Variants in DCT observed in about 807,000 individuals in gnomAD.
DCT encodes the protein dopachrome tautomerase.
Under a neutral mutation model 53.0 loss-of-function variants are expected in DCT, and 47 were observed. The observed-to-expected ratio is 0.89, with a 90% CI of 0.70 to 1.13. DCT has a LOEUF of 1.13. DCT is among the 50% of genes most tolerant of loss of function. The probability of loss-of-function intolerance (pLI) is 0.00; values close to 1 mark genes in which losing one functional copy is unlikely to be tolerated. For missense variants in DCT, 669 were observed against 637.4 expected (o/e 1.05, Z -0.53); for synonymous variants, 244 against 237.0 (o/e 1.03, Z -0.27).
chr13:94,484,556 C>T (rs774862972), upstream of DCT, among the ~76,000 whole-genome samples: 48 of 152,136 alleles, frequency 3.2e-4, 1 homozygote, highest in Admixed American at 7.2e-4. Context: ...AATGTACTTT[C>T]CCACAGTTCC....
the DCT span, among the ~76,000 whole-genome samples, chr13:94,521,436 C>T: frequency 6.6e-6 from 1 of 152,168 alleles, no homozygotes; most frequent in Admixed American, 6.5e-5. Flanking sequence ...TTTGGGAGGC[C>T]GAGGTGGGCG....
In DCT at chr13:94,438,578, G is replaced by T. The variant is rs951191678; in HGVS notation, c.*1320C>A. ...AGAGGGGCCTCGACAGACAAGCCAC[G>T]CCCTAGAACTTCAGTCTCACTCCTG... On this transcript the variant is annotated 3_prime_UTR_variant, in exon 8 of 8. Transcript: ENST00000377028. 4.4e-6 allele frequency: 2 copies of T among 455,666 alleles called. No homozygotes were observed. Among genetic ancestry groups the T allele is most frequent in the Admixed American group, 2.4e-5 (1 of 42,522 alleles). 28.2% of individuals were successfully genotyped at this position (455,666 alleles called of 1,614,324 possible). A position where few individuals can be genotyped will look rare whatever the true frequency, so the allele number is the denominator to read the frequency against.
the DCT span, among the ~76,000 whole-genome samples, chr13:94,539,674 A>T: frequency 0.39 from 58,641 of 152,042 alleles, 11,755 homozygotes; most frequent in East Asian, 0.61. Context: ...ATGGATTTAA[A>T]ATTAAATTCC....
the DCT span, among the ~76,000 whole-genome samples, chr13:94,518,145 G>T: frequency 1.4e-5 from 2 of 141,200 alleles, 1 homozygote; most frequent in African/African-American, 5.9e-5. Flanking sequence ...AAGGAAGGAA[G>T]GAAGGAAGGA....
chr13:94,473,294 C>T (rs1012639742), intron 1 of DCT, among the ~76,000 whole-genome samples: 1 of 152,272 alleles, frequency 6.6e-6, no homozygotes. Flanking sequence ...ATATTCAATA[C>T]CTTATTATAA....
the DCT span, among the ~76,000 whole-genome samples, chr13:94,513,751 C>T: frequency 6.6e-6 from 1 of 151,914 alleles, no homozygotes; most frequent in African/African-American, 2.4e-5. Flanking sequence ...CTTTGGGAGG[C>T]CAAGGTGGGT....
intron 5 of DCT, among the ~76,000 whole-genome samples, chr13:94,460,852 G>T (rs1883735929): frequency 6.6e-6 from 1 of 152,170 alleles, no homozygotes; most frequent in Non-Finnish European, 1.5e-5. Flanking sequence ...TTTAAACAAA[G>T]ATGGGTCCAA....
rs1882485613 is a variant in DCT at position 94,443,440 on chromosome 13, C to A, written c.1377G>T (p.Leu459=). The A allele has an allele frequency of 1.9e-6, 3 of 1,610,928 alleles. No individual in the cohort carries two copies. Among genetic ancestry groups the A allele is most frequent in the Non-Finnish European group, 2.5e-6 (3 of 1,177,126 alleles). The change falls in exon 7 of 8, where the codon CTG becomes CTT. Residue 459 remains leucine, a synonymous_variant. Transcript: ENST00000377028. The part of the protein sequence containing the change: ...DQLGYSYAID[L]PVSVEETPGW... ...TTTGGAAGTTGTGTTAGTTACCTGG[C>A]AGATCGATGGCATAGCTGTAGCCAA... is the stretch of plus-strand genomic sequence containing the variant.
intron 4 of DCT, among the ~76,000 whole-genome samples, chr13:94,463,534 C>T (rs1279177708): frequency 6.6e-6 from 1 of 151,916 alleles, no homozygotes; most frequent in Non-Finnish European, 1.5e-5. Flanking sequence ...AGGTGATCCA[C>T]CTGTCTCGGC....
At chr13:94,489,409 C>T in the DCT span, among the ~76,000 whole-genome samples, 1 of 152,170 alleles carries the variant, frequency 6.6e-6, no homozygotes, top group East Asian at 1.9e-4. Context: ...TGGTTATTCT[C>T]TCTCAGCCTC....
At chr13:94,517,139 T>C in the DCT span, among the ~76,000 whole-genome samples, 314 of 152,348 alleles carry the variant, frequency 2.1e-3, no homozygotes, top group African/African-American at 7.2e-3. Flanking sequence ...GAGAATTATA[T>C]AGGTTGGAAA....
At chr13:94,494,708 A>G in the DCT span, among the ~76,000 whole-genome samples, 1 of 152,254 alleles carries the variant, frequency 6.6e-6, no homozygotes, top group African/African-American at 2.4e-5. Flanking sequence ...AAACAGAAGC[A>G]GAAAGTAATT....
chr13:94,443,239 T>A (rs1252350735), intron 7 of DCT, among the ~76,000 whole-genome samples, 197 bp downstream of exon 7: 2 of 152,236 alleles, frequency 1.3e-5, no homozygotes, highest in African/African-American at 4.8e-5. Flanking sequence ...AGCTCATTAG[T>A]CCCTTTCTGA....
At chr13:94,447,384 T>C (rs895092320) in intron 6 of DCT, among the ~76,000 whole-genome samples, 29 of 152,220 alleles carry the variant, frequency 1.9e-4, no homozygotes, top group Non-Finnish European at 1.2e-4. Flanking sequence ...CAGTTCATGA[T>C]AGGGTTTGCA....
At chr13:94,531,920 C>A in the DCT span, among the ~76,000 whole-genome samples, 3 of 152,048 alleles carry the variant, frequency 2.0e-5, no homozygotes, top group Admixed American at 6.5e-5. Context: ...CCAGAATCTA[C>A]AAAGAACTTA....
chr13:94,472,514 A>G (rs1216558818), intron 1 of DCT, among the ~76,000 whole-genome samples: 3 of 29,954 alleles, frequency 1.0e-4, no homozygotes, highest in Non-Finnish European at 1.6e-4. Flanking sequence ...AAATATATAC[A>G]TACATACATA....
the DCT span, among the ~76,000 whole-genome samples, chr13:94,527,832 A>G: frequency 6.6e-6 from 1 of 152,156 alleles, no homozygotes. Flanking sequence ...GGTAATAACA[A>G]ACTTCTCCAA....
the DCT span, among the ~76,000 whole-genome samples, chr13:94,505,687 T>C: frequency 2.6e-5 from 4 of 152,188 alleles, no homozygotes; most frequent in Non-Finnish European, 5.9e-5. Context: ...ATGGCAAACA[T>C]GATGGGACAT....
chr13:94,470,803 C>T (rs1359185029), intron 1 of DCT, among the ~76,000 whole-genome samples: 5 of 152,212 alleles, frequency 3.3e-5, no homozygotes, highest in Non-Finnish European at 7.3e-5. Flanking sequence ...TCAGTTACTT[C>T]CTTGCACCTC....
Sources: allele counts gnomAD v4.1 joint callset (sites outside exome capture counted in the v4.1 genomes callset), GRCh38; gene constraint gnomAD v4.1.1; transcripts MANE v1.5; gene names NCBI Gene and HGNC (gene_info 2026-07-23, HGNC 2026-07-21).